Variants in TIPIN observed in about 807,000 individuals in gnomAD.
The protein encoded by TIPIN is TIMELESS interacting protein, also known as TIMELESS-interacting protein.
A neutral mutation model predicts 35.6 loss-of-function variants in TIPIN; 29 were observed. The observed-to-expected ratio is 0.82, with a 90% confidence interval of 0.61 to 1.11. The LOEUF is 1.11. Ranked by LOEUF, TIPIN falls within the 50% of genes most tolerant of loss-of-function variation. TIPIN has a pLI of 0.00. For missense variants in TIPIN, 296 were observed against 345.4 expected (o/e 0.86, Z 1.13); for synonymous variants, 102 against 121.5 (o/e 0.84, Z 1.06).
At chr15:66,380,451 A>C (rs1222450849) in intron 1 of TIPIN, among the ~76,000 whole-genome samples, 2 of 152,176 alleles carry the variant, frequency 1.3e-5, no homozygotes, top group Non-Finnish European at 2.9e-5. Context: ...GTCCAGTGCT[A>C]TCTCACTCTA....
upstream of TIPIN, among the ~76,000 whole-genome samples, chr15:66,359,621 T>C (rs953983901): frequency 1.5e-4 from 23 of 152,146 alleles, no homozygotes; most frequent in Non-Finnish European, 3.4e-4. Context: ...AGTGCTGGGA[T>C]TACAGGCGTG....
Position 66,339,155 on chromosome 15 carries a change from AAAG to A in TIPIN, c.683-1977_683-1975del, listed in dbSNP as rs1212607461. 1.8e-3 allele frequency among the ~76,000 whole-genome samples: 94 copies of A among 52,174 alleles called. 24 individuals carry two copies. The highest frequency in any genetic ancestry group is 9.0e-3 in the African/African-American group (86 of 9,530). 34.2% of individuals were successfully genotyped at this position (52,174 alleles called of 152,430 possible). A position where few individuals can be genotyped will look rare whatever the true frequency, so the allele number is the denominator to read the frequency against. On this transcript the variant is annotated intron_variant, in intron 7 of 7. Transcript: ENST00000261881. ...TCAAAAAAAAAAAAAAAAAAAAAAA[AAAG>A]CAAAAAGAAAAAGTAAATTCATCTT...
At chr15:66,379,670 C>G in intron 1 of TIPIN, 2 of 1,611,396 alleles carry the variant, frequency 1.2e-6, no homozygotes, top group Non-Finnish European at 1.7e-6. Flanking sequence ...GTGTAACACC[C>G]TTGATCATGT....
chr15:66,363,643 T>C (rs1274349490), intron 1 of TIPIN, among the ~76,000 whole-genome samples: 1 of 140,236 alleles, frequency 7.1e-6, no homozygotes, highest in Non-Finnish European at 1.6e-5. Flanking sequence ...TCTGGTCATT[T>C]AAAAGCATGC....
chr15:66,363,772 G>T (rs527906869), intron 1 of TIPIN, among the ~76,000 whole-genome samples: 1 of 152,034 alleles, frequency 6.6e-6, no homozygotes, highest in East Asian at 1.9e-4. Context: ...CACGAGGTCA[G>T]GAGATCGAGA....
At chr15:66,353,905 G>T (rs1467656388) in intron 1 of TIPIN, among the ~76,000 whole-genome samples, 1 of 151,806 alleles carries the variant, frequency 6.6e-6, no homozygotes, top group Non-Finnish European at 1.5e-5. Context: ...CGGACCATGA[G>T]GTCAGGAGTT....
chr15:66,367,509 C>A (rs2093261031), intron 1 of TIPIN, among the ~76,000 whole-genome samples: 1 of 151,628 alleles, frequency 6.6e-6, no homozygotes, highest in Non-Finnish European at 1.5e-5. Flanking sequence ...TTTCTCCTGC[C>A]TCAGCCTCCG....
intron 1 of TIPIN, among the ~76,000 whole-genome samples, chr15:66,370,936 C>T (rs1320895014): frequency 6.6e-6 from 1 of 152,116 alleles, no homozygotes; most frequent in African/African-American, 2.4e-5. Context: ...CAAGGCCAGG[C>T]GCGGTGGCTC....
At chr15:66,366,344 C>T (rs2093254136) in intron 1 of TIPIN, among the ~76,000 whole-genome samples, 1 of 151,886 alleles carries the variant, frequency 6.6e-6, no homozygotes, top group Admixed American at 6.6e-5. Context: ...GTCCCAGCTA[C>T]TCGGGAGGCT....
chr15:66,351,020 C>A (rs927691281), intron 4 of TIPIN, among the ~76,000 whole-genome samples: 1 of 150,754 alleles, frequency 6.6e-6, no homozygotes, highest in Non-Finnish European at 1.5e-5. Flanking sequence ...AATATACTAT[C>A]ATCTGCAAAA....
intron 1 of TIPIN, among the ~76,000 whole-genome samples, chr15:66,365,544 G>T (rs371799158): frequency 6.6e-6 from 1 of 151,646 alleles, no homozygotes. Flanking sequence ...TCTGCATATT[G>T]TTTTTTTTGT....
chr15:66,349,480 C>CA, intron 4 of TIPIN, 43 bp from the exon 5 acceptor site: 15 of 1,586,332 alleles, frequency 9.5e-6, no homozygotes, highest in Non-Finnish European at 1.3e-5. Flanking sequence ...GTCTCATTCT[C>CA]ACAGCTGACC....
intron 6 of TIPIN, among the ~76,000 whole-genome samples, chr15:66,343,916 T>G (rs2140447056): frequency 6.6e-6 from 1 of 152,158 alleles, no homozygotes; most frequent in South Asian, 2.1e-4. Context: ...GAGAATCACT[T>G]GAACCCGGGA....
At chr15:66,355,548 G>T (rs1424679914) in intron 1 of TIPIN, among the ~76,000 whole-genome samples, 5 of 151,738 alleles carry the variant, frequency 3.3e-5, no homozygotes, top group Non-Finnish European at 7.4e-5. Context: ...AGGAGTTCGA[G>T]ACCAGCCTGG....
intron 1 of TIPIN, chr15:66,379,956 G>A: frequency 1.1e-6 from 1 of 903,046 alleles, no homozygotes; most frequent in Non-Finnish European, 1.7e-6. Context: ...ATTTATTATA[G>A]GATAAAAAGT....
chr15:66,359,370 G>C (rs1351035003), upstream of TIPIN, among the ~76,000 whole-genome samples: 3 of 151,888 alleles, frequency 2.0e-5, no homozygotes, highest in African/African-American at 4.8e-5. Flanking sequence ...TTTTGAGACA[G>C]ATTCTTATTC....
chr15:66,347,271 G>A, intron 6 of TIPIN: 1 of 518,452 alleles, frequency 1.9e-6, no homozygotes, highest in Non-Finnish European at 3.9e-6. Flanking sequence ...GGAACCATCT[G>A]TTTTAATGTG....
At chr15:66,379,448 A>C (rs2093309791) in intron 1 of TIPIN, 1 of 1,605,702 alleles carries the variant, frequency 6.2e-7, no homozygotes, top group African/African-American at 1.3e-5. Flanking sequence ...AAGCCGCTGA[A>C]TTTGAAACAA....
At chr15:66,350,215 T>G (rs2093157827) in intron 4 of TIPIN, among the ~76,000 whole-genome samples, 1 of 151,758 alleles carries the variant, frequency 6.6e-6, no homozygotes. Context: ...CCGCCCACCC[T>G]GGCCTCCCAA....
Sources: allele counts gnomAD v4.1 joint callset (sites outside exome capture counted in the v4.1 genomes callset), GRCh38; gene constraint gnomAD v4.1.1; transcripts MANE v1.5; gene names NCBI Gene and HGNC (gene_info 2026-07-23, HGNC 2026-07-21).